The following BANK1 variants were observed in gnomAD, a reference collection of about 807,000 sequenced individuals.
The protein encoded by BANK1 is B-cell scaffold protein with ankyrin repeats.
A neutral mutation model predicts 94.5 loss-of-function variants in BANK1; 95 were observed. The observed-to-expected ratio is 1.00, with a 90% CI of 0.85 to 1.19. The LOEUF (loss-of-function observed/expected upper bound fraction) is 1.19, where lower values mean the gene tolerates loss of function less well. Among genes scored for constraint, BANK1 ranks in the 50% most tolerant of loss-of-function variants. The pLI is 0.00. For synonymous variants in BANK1, 334 were observed against 308.4 expected (o/e 1.08, Z -0.87); for missense variants, 987 against 932.2 (o/e 1.06, Z -0.77).
At chr4:101,958,673 G>C (rs1724455169) in intron 7 of BANK1, among the ~76,000 whole-genome samples, 1 of 152,162 alleles carries the variant, frequency 6.6e-6, no homozygotes, top group Admixed American at 6.5e-5. Context: ...GAATTCTGAT[G>C]AGCTAAGCAT....
chr4:101,974,331 C>T (rs1254132847), intron 7 of BANK1, among the ~76,000 whole-genome samples: 1 of 152,100 alleles, frequency 6.6e-6, no homozygotes, highest in Non-Finnish European at 1.5e-5. Context: ...AAATCATAAA[C>T]ATGTTTGTAA....
chr4:101,849,731 G>T (rs1404337393), intron 2 of BANK1, among the ~76,000 whole-genome samples: 1 of 151,980 alleles, frequency 6.6e-6, no homozygotes, highest in African/African-American at 2.4e-5. Flanking sequence ...ATATAAAAAG[G>T]AAAATTAACT....
chr4:102,072,530 G>T, intron 15 of BANK1, 130 bp downstream of exon 15: 2 of 576,300 alleles, frequency 3.5e-6, no homozygotes, highest in East Asian at 3.1e-5. Flanking sequence ...GGTTAGGTGT[G>T]CCTTTGTGTG....
In BANK1 at chr4:102,016,146, C is replaced by T. The variant is rs1726691777; in HGVS notation, c.1207-5368C>T. ...AGACTCAGATTTAATATCATCTATT[C>T]TTTGAAATTGTCTATCCCACCCACT... On this transcript the variant is annotated intron_variant, in intron 7 of 16. Transcript: ENST00000322953. 3.3e-5 allele frequency among the ~76,000 whole-genome samples: 5 copies of T among 152,274 alleles called. No homozygotes were observed. The South Asian group carries it at 1.0e-3, about 32-fold the overall frequency.
intron 7 of BANK1, among the ~76,000 whole-genome samples, chr4:101,985,999 A>T (rs1725470664): frequency 6.6e-6 from 1 of 152,144 alleles, no homozygotes; most frequent in South Asian, 2.1e-4. Context: ...CATTCAGAAA[A>T]TATGTATTTA....
At chr4:101,853,225 A>G (rs1334385490) in intron 2 of BANK1, among the ~76,000 whole-genome samples, 1 of 152,246 alleles carries the variant, frequency 6.6e-6, no homozygotes, top group Non-Finnish European at 1.5e-5. Flanking sequence ...TTCATAAGAC[A>G]GAAGAAAACA....
chr4:101,797,824 T>A (rs80329965), intron 1 of BANK1, among the ~76,000 whole-genome samples: 619 of 152,208 alleles, frequency 4.1e-3, no homozygotes, highest in Non-Finnish European at 7.5e-3. Context: ...GATTTTAGGA[T>A]CTGGATATCA....
intron 1 of BANK1, among the ~76,000 whole-genome samples, chr4:101,810,395 A>G (rs979169074): frequency 6.6e-6 from 1 of 152,224 alleles, no homozygotes; most frequent in Non-Finnish European, 1.5e-5. Flanking sequence ...CAAAAGCAAG[A>G]GTACCATAAA....
chr4:102,022,695 C>A (rs1303822283), intron 8 of BANK1, among the ~76,000 whole-genome samples: 4 of 152,118 alleles, frequency 2.6e-5, no homozygotes, highest in African/African-American at 9.7e-5. Flanking sequence ...CTCTGATATT[C>A]TACACTTCAT....
At chr4:101,987,236 G>A (rs73834539) in intron 7 of BANK1, among the ~76,000 whole-genome samples, 135 of 151,912 alleles carry the variant, frequency 8.9e-4, no homozygotes, top group African/African-American at 3.1e-3. Flanking sequence ...GTTAATTATA[G>A]AAAACACTTA....
chr4:101,915,299 T>A (rs1044721692), intron 6 of BANK1, among the ~76,000 whole-genome samples: 2 of 152,116 alleles, frequency 1.3e-5, no homozygotes, highest in Non-Finnish European at 2.9e-5. Context: ...TTTTATAGGT[T>A]TAATGCATAC....
intron 10 of BANK1, among the ~76,000 whole-genome samples, chr4:102,038,114 C>T (rs913492088): frequency 6.6e-6 from 1 of 152,144 alleles, no homozygotes; most frequent in Non-Finnish European, 1.5e-5. Flanking sequence ...CAGAATTAAA[C>T]TCTAATGTTT....
chr4:101,895,483 A>G (rs1722041543), intron 6 of BANK1, 73 bp downstream of exon 6: 1 of 881,622 alleles, frequency 1.1e-6, no homozygotes, highest in South Asian at 1.6e-5. Flanking sequence ...AATGAATGTT[A>G]TAACCAAAAA....
At chr4:102,062,952 C>A in intron 12 of BANK1, 123 bp from the exon 13 acceptor site, 1 of 684,532 alleles carries the variant, frequency 1.5e-6, no homozygotes, top group Non-Finnish European at 2.5e-6. Flanking sequence ...GCAATTGAGA[C>A]ATCATAAGTA....
intron 2 of BANK1, among the ~76,000 whole-genome samples, chr4:101,851,401 A>G (rs918831466): frequency 6.6e-6 from 1 of 152,214 alleles, no homozygotes; most frequent in African/African-American, 2.4e-5. Flanking sequence ...AAACCAGGCA[A>G]CAAGTATTTA....
rs372840506 is a variant in BANK1 at position 101,955,966 on chromosome 4, A to G, written c.1206+37777A>G. Among the ~76,000 whole-genome samples, 6 of 152,316 alleles carry G rather than the reference A, an allele frequency of 3.9e-5. No individual in the cohort carries two copies. In the South Asian group the frequency reaches 8.3e-4, roughly 21 times the overall value. ...TAATTGATGTAGAACATACAGCACAATATTTGTATAGTGACTACTCAGTAA... is the reference window on the plus strand; with the variant it reads ...TAATTGATGTAGAACATACAGCACAGTATTTGTATAGTGACTACTCAGTAA... On this transcript the variant is annotated intron_variant, in intron 7 of 16. Coordinates refer to ENST00000322953, the MANE Select transcript of BANK1 (RefSeq NM_017935.5).
At chr4:101,804,680 G>T (rs528279703) in intron 1 of BANK1, among the ~76,000 whole-genome samples, 1 of 152,240 alleles carries the variant, frequency 6.6e-6, no homozygotes, top group South Asian at 2.1e-4. Flanking sequence ...GTACAGTATT[G>T]TAAATGTGTT....
At chr4:102,047,362 A>T (rs1578477997) in intron 11 of BANK1, among the ~76,000 whole-genome samples, 1 of 152,274 alleles carries the variant, frequency 6.6e-6, no homozygotes, top group South Asian at 2.1e-4. Context: ...TTGTAAATTT[A>T]CATGCAAAAA....
At chr4:101,935,075 A>G (rs898118183) in intron 7 of BANK1, among the ~76,000 whole-genome samples, 1 of 151,426 alleles carries the variant, frequency 6.6e-6, no homozygotes, top group Non-Finnish European at 1.5e-5. Context: ...AGAATACCTC[A>G]TGGTACCCTT....
Sources: gnomAD v4.1 joint callset for allele counts (sites outside exome capture counted in the v4.1 genomes callset) on GRCh38, gnomAD v4.1.1 for gene constraint, MANE v1.5 for transcripts, NCBI Gene and HGNC (gene_info 2026-07-23, HGNC 2026-07-21) for gene names.